The following LRRC8D variants were observed in gnomAD, a reference collection of about 807,000 sequenced individuals.
LRRC8D encodes leucine rich repeat containing 8 VRAC subunit D, also known as volume-regulated anion channel subunit LRRC8D.
A neutral mutation model predicts 55.8 loss-of-function variants in LRRC8D; 20 were observed. That is an observed-to-expected ratio of 0.36 (90% CI 0.25 to 0.52). LRRC8D has a LOEUF of 0.52. Among genes scored for constraint, LRRC8D ranks in the 20% least tolerant of loss-of-function variants. The pLI, the probability that LRRC8D is intolerant of heterozygous loss-of-function variation, is 0.93. For missense variants in LRRC8D, 651 were observed against 1,030.8 expected (o/e 0.63, Z 5.05); for synonymous variants, 352 against 377.0 (o/e 0.93, Z 0.77).
chr1:89,863,426 C>T (rs1011765727), intron 2 of LRRC8D, among the ~76,000 whole-genome samples: 2 of 152,150 alleles, frequency 1.3e-5, no homozygotes, highest in Non-Finnish European at 2.9e-5. Flanking sequence ...CAGGAAGAGG[C>T]GGCCTGGGAA....
Position 89,936,529 on chromosome 1 carries a change from C to G in LRRC8D, c.*884C>G, listed in dbSNP as rs1663861637. On this transcript the variant is annotated 3_prime_UTR_variant, in exon 3 of 3. Transcript: ENST00000337338. ...GTATCATTTAATTTCTTGCCCTTTT[C>G]AGTGTTGTTCTGGTGTTGGTGGGAA... The G allele has an allele frequency of 6.6e-6, 1 of 152,210 alleles. No individual in the cohort carries two copies. The highest frequency in any genetic ancestry group is 1.5e-5 in the Non-Finnish European group (1 of 68,020). 9.4% of individuals were successfully genotyped at this position (152,210 alleles called of 1,614,324 possible).
intron 2 of LRRC8D, among the ~76,000 whole-genome samples, chr1:89,893,107 A>C (rs565271125): frequency 1.9e-4 from 29 of 152,356 alleles, no homozygotes; most frequent in African/African-American, 6.3e-4. Flanking sequence ...AACATAAACA[A>C]GATAATATAA....
intron 2 of LRRC8D, among the ~76,000 whole-genome samples, chr1:89,926,303 CT>C (rs1431723307): frequency 6.6e-6 from 1 of 152,252 alleles, no homozygotes; most frequent in African/African-American, 2.4e-5. Flanking sequence ...ACTGCAATCA[CT>C]TTCACACCAA....
intron 2 of LRRC8D, among the ~76,000 whole-genome samples, chr1:89,874,439 CTATT>C (rs1161726990): frequency 1.7e-5 from 2 of 115,564 alleles, no homozygotes; most frequent in East Asian, 2.5e-4. Context: ...AAGTAAGAAA[CTATT>C]TGTGTGTGTG....
chr1:89,851,745 G>A (rs1661423242), intron 2 of LRRC8D, among the ~76,000 whole-genome samples: 2 of 152,144 alleles, frequency 1.3e-5, no homozygotes, highest in African/African-American at 2.4e-5. Flanking sequence ...CCTGAGCTCA[G>A]GCAATCCACC....
At chr1:89,821,384 C>G (rs986211620) in intron 1 of LRRC8D, 93 bp downstream of exon 1, 1 of 152,160 alleles carries the variant, frequency 6.6e-6, no homozygotes, top group African/African-American at 2.4e-5. Context: ...GCAACCCTGG[C>G]GCAGGCGCCG....
At chr1:89,857,252 G>A (rs554151516) in intron 2 of LRRC8D, among the ~76,000 whole-genome samples, 17 of 151,852 alleles carry the variant, frequency 1.1e-4, no homozygotes, top group South Asian at 6.2e-4. Flanking sequence ...GTGTGGTGGC[G>A]CATGCCTGTA....
At chr1:89,868,432 C>G (rs563567929) in intron 2 of LRRC8D, among the ~76,000 whole-genome samples, 99 of 152,194 alleles carry the variant, frequency 6.5e-4, no homozygotes, top group Non-Finnish European at 1.3e-3. Flanking sequence ...TACATCTGAT[C>G]TCTCCCATGA....
At chr1:89,876,844 G>A (rs1486840253) in intron 2 of LRRC8D, among the ~76,000 whole-genome samples, 1 of 152,200 alleles carries the variant, frequency 6.6e-6, no homozygotes, top group Non-Finnish European at 1.5e-5. Context: ...GACAAAGTTT[G>A]TTGGATAGCT....
intron 2 of LRRC8D, among the ~76,000 whole-genome samples, chr1:89,880,183 T>C (rs1321033563): frequency 1.3e-5 from 2 of 150,654 alleles, no homozygotes; most frequent in African/African-American, 2.4e-5. Context: ...AAGCAGGGAA[T>C]GTTGAGTAGT....
At chr1:89,912,673 T>G (rs1368136275) in intron 2 of LRRC8D, among the ~76,000 whole-genome samples, 1 of 152,202 alleles carries the variant, frequency 6.6e-6, no homozygotes, top group Non-Finnish European at 1.5e-5. Context: ...CAGTTATCAT[T>G]CTATCATGTT....
chr1:89,873,656 G>T (rs530912562), intron 2 of LRRC8D, among the ~76,000 whole-genome samples: 10 of 152,304 alleles, frequency 6.6e-5, no homozygotes, highest in African/African-American at 1.9e-4. Flanking sequence ...ATGTAGGATT[G>T]AAAACTATCA....
At chr1:89,873,939 C>T (rs1352670625) in intron 2 of LRRC8D, among the ~76,000 whole-genome samples, 2 of 152,140 alleles carry the variant, frequency 1.3e-5, no homozygotes, top group Non-Finnish European at 2.9e-5. Flanking sequence ...AGTTGCCATT[C>T]ATCAGGAAAT....
intron 1 of LRRC8D, among the ~76,000 whole-genome samples, chr1:89,829,256 A>C (rs1046535817): frequency 6.6e-6 from 1 of 152,224 alleles, no homozygotes; most frequent in Non-Finnish European, 1.5e-5. Flanking sequence ...AAAGTTATTA[A>C]TAATAACAGC....
rs1045149189 is a variant in LRRC8D, at chr1:89,922,457, C to T, written c.-2-10610C>T. 5.9e-5 allele frequency among the ~76,000 whole-genome samples: 9 copies of T among 152,188 alleles called. No individual in the cohort carries two copies. In the South Asian group the frequency reaches 6.2e-4, roughly 11 times the overall value. ...ATTTATTCCAGGATTACTCTATGTG[C>T]GTGGTGCTACATGCTAGTTCAAAAT... On this transcript the variant is annotated intron_variant, in intron 2 of 2. Coordinates refer to ENST00000337338, the MANE Select transcript of LRRC8D (RefSeq NM_001134479.2).
intron 2 of LRRC8D, among the ~76,000 whole-genome samples, chr1:89,845,199 TAA>T (rs1661244085): frequency 1.3e-5 from 2 of 152,336 alleles, no homozygotes; most frequent in South Asian, 2.1e-4. Flanking sequence ...ACTACATAAT[TAA>T]GTTTGCTTTG....
intron 2 of LRRC8D, among the ~76,000 whole-genome samples, chr1:89,893,781 C>A (rs1459760653): frequency 6.6e-6 from 1 of 152,080 alleles, no homozygotes; most frequent in Non-Finnish European, 1.5e-5. Context: ...ACTCTTTTTT[C>A]AGTAGAGCAT....
intron 2 of LRRC8D, among the ~76,000 whole-genome samples, chr1:89,849,456 C>T (rs1035188280): frequency 6.6e-6 from 1 of 150,658 alleles, no homozygotes; most frequent in Non-Finnish European, 1.5e-5. Flanking sequence ...CAGATAGTTG[C>T]CAACTTTATA....
intron 2 of LRRC8D, among the ~76,000 whole-genome samples, chr1:89,854,399 G>C (rs933402608): frequency 4.0e-5 from 6 of 150,760 alleles, no homozygotes; most frequent in African/African-American, 1.5e-4. Flanking sequence ...TTTTCTGTTT[G>C]ATAGAGTACT....
Sources: allele counts gnomAD v4.1 joint callset (sites outside exome capture counted in the v4.1 genomes callset), GRCh38; gene constraint gnomAD v4.1.1; transcripts MANE v1.5; gene names NCBI Gene and HGNC (gene_info 2026-07-23, HGNC 2026-07-21).